PLAAT3: variants seen among roughly 807,000 people sequenced by gnomAD.
PLAAT3 encodes Ca-independent phospholipase A1/2.
Under a neutral mutation model 16.7 loss-of-function variants are expected in PLAAT3, and 21 were observed. The observed-to-expected ratio is 1.26, with a 90% CI of 0.89 to 1.81. PLAAT3 has a LOEUF of 1.81. Ranked by LOEUF, PLAAT3 falls within the 40% of genes most tolerant of loss-of-function variation. The pLI is 0.00. For synonymous variants in PLAAT3, 76 were observed against 81.7 expected, an observed-to-expected ratio of 0.93 and a Z score of 0.38; for missense variants, 219 against 213.7, an observed-to-expected ratio of 1.02 and a Z score of -0.16.
At chr11:63,602,285 CA>C (rs61260700) in intron 2 of PLAAT3, among the ~76,000 whole-genome samples, 136,279 of 139,532 alleles carry the variant, frequency 0.98, 66,535 homozygotes, top group South Asian at 0.99. Flanking sequence ...GAAACTGTCT[CA>C]AAAAAAAAAA....
rs778381424 is a variant in PLAAT3 at position 63,590,358 on chromosome 11, T to C, written c.129A>G (p.Ala43=). ...VVHLAPPSEV[A]GAGAASVMSA... is the part of the protein sequence containing the mutation. ...ACATGACACTGGCTGCACCAGCTCC[T>C]GCGACCTCACCTGCAGATCCACAAA... Residue 43 remains alanine (A), a synonymous_variant, in exon 4 of 5, where the codon GCA becomes GCG. Transcript: ENST00000415826. The C allele has an allele frequency of 3.7e-6, 6 of 1,614,006 alleles. No homozygotes were observed. Among genetic ancestry groups the C allele is most frequent in the South Asian group, 1.1e-5 (1 of 91,070 alleles).
chr11:63,589,799 G>A (rs562781207), intron 4 of PLAAT3, among the ~76,000 whole-genome samples: 2 of 152,276 alleles, frequency 1.3e-5, no homozygotes, highest in East Asian at 3.9e-4. Flanking sequence ...TGCCTTTAGG[G>A]CTGGGGAGGG....
chr11:63,609,550 T>C (rs1408626162), intron 2 of PLAAT3, among the ~76,000 whole-genome samples: 1 of 152,238 alleles, frequency 6.6e-6, no homozygotes, highest in Admixed American at 6.5e-5. Context: ...AAAGCACTTA[T>C]GCCTACGAGA....
At chr11:63,589,049 C>G (rs1938062498) in intron 4 of PLAAT3, among the ~76,000 whole-genome samples, 1 of 143,988 alleles carries the variant, frequency 6.9e-6, no homozygotes, top group Non-Finnish European at 1.5e-5. Flanking sequence ...ACTATTTTTA[C>G]TACTACAATG....
chr11:63,614,001 A>G lies in PLAAT3; in HGVS notation c.14T>C (p.Ile5Thr), dbSNP rs754701637. MRAPIPEPKPGDLIE... is the reference protein window; with the variant it reads MRAPTPEPKPGDLIE... ...AGCCCCGCCTCGCCCCGCACTTACA[A>G]TGGGCGCACGCATCTTCCCTCGCGG... Residue 5 changes from isoleucine to threonine, a missense_variant and splice_region_variant, in exon 2 of 5, where the codon ATT becomes ACT. Ile to Thr is a moderately conservative substitution (Grantham distance 89). Coordinates refer to ENST00000415826, the MANE Select transcript of PLAAT3 (RefSeq NM_001128203.2). The G allele has an allele frequency of 8.1e-6, 13 of 1,603,014 alleles. No homozygotes were observed. Among genetic ancestry groups the G allele is most frequent in the South Asian group, 5.5e-5 (5 of 90,806 alleles).
chr11:63,578,701 C>T (rs369544786), intron 4 of PLAAT3, among the ~76,000 whole-genome samples: 2 of 151,636 alleles, frequency 1.3e-5, no homozygotes, highest in South Asian at 2.1e-4. Flanking sequence ...CCCTTCCTTA[C>T]ACCTTATACA....
intron 2 of PLAAT3, among the ~76,000 whole-genome samples, chr11:63,602,543 C>T (rs75508049): frequency 0.025 from 3,733 of 150,720 alleles, 171 homozygotes; most frequent in African/African-American, 0.086. Flanking sequence ...ATTTGGACCT[C>T]TGCCTGCAAG....
At chr11:63,609,349 T>G (rs1938638048) in intron 2 of PLAAT3, among the ~76,000 whole-genome samples, 2 of 152,226 alleles carry the variant, frequency 1.3e-5, no homozygotes, top group Non-Finnish European at 2.9e-5. Flanking sequence ...GTCTCTATTT[T>G]CTGAGGCTGC....
chr11:63,588,466 G>A (rs1468800903), intron 4 of PLAAT3, among the ~76,000 whole-genome samples: 1 of 88,466 alleles, frequency 1.1e-5, no homozygotes, highest in African/African-American at 5.5e-5. Context: ...ACCATCCCCT[G>A]GTCTCCTGCT....
At chr11:63,587,964 A>G (rs1358322511) in intron 4 of PLAAT3, among the ~76,000 whole-genome samples, 1 of 152,190 alleles carries the variant, frequency 6.6e-6, no homozygotes. Context: ...CTGTAATCCT[A>G]GCACTTTGGG....
intron 3 of PLAAT3, among the ~76,000 whole-genome samples, chr11:63,594,815 T>C (rs1041776279): frequency 6.6e-6 from 1 of 150,622 alleles, no homozygotes; most frequent in Non-Finnish European, 1.5e-5. Flanking sequence ...AATGATCCAG[T>C]TGAAAGGGAG....
chr11:63,616,010 T>C (rs1938864708), upstream of PLAAT3, among the ~76,000 whole-genome samples: 1 of 152,192 alleles, frequency 6.6e-6, no homozygotes, highest in African/African-American at 2.4e-5. Context: ...GTATTTGTCA[T>C]GTACAACATG....
In PLAAT3 at chr11:63,594,993, A is replaced by C. The variant is rs74607807; in HGVS notation, c.118+3068T>G. The stretch of plus-strand genomic sequence containing the variant: ...ACTAGTTAGAATTAAAACGATATGC[A>C]AAAGACATGTTCAAGGGCCGTGCGC... On this transcript the variant is annotated intron_variant, in intron 3 of 4. Coordinates refer to ENST00000415826, the MANE Select transcript of PLAAT3 (RefSeq NM_001128203.2). Among the ~76,000 whole-genome samples the C allele has an allele frequency of 9.1e-4, 138 of 152,152 alleles. 1 individual carries two copies. The East Asian group carries it at 0.017, about 19-fold the overall frequency.
upstream of PLAAT3, among the ~76,000 whole-genome samples, chr11:63,614,786 C>A (rs959076769): frequency 2.0e-5 from 3 of 151,478 alleles, no homozygotes; most frequent in Non-Finnish European, 4.4e-5. Flanking sequence ...GAGGCCGAGG[C>A]GGGCAGATCA....
At chr11:63,610,748 G>A (rs1045361807) in intron 2 of PLAAT3, among the ~76,000 whole-genome samples, 2 of 152,182 alleles carry the variant, frequency 1.3e-5, no homozygotes, top group African/African-American at 4.8e-5. Flanking sequence ...ATATTATGGA[G>A]CCTCAGTTTC....
At chr11:63,599,358 T>A (rs751106501) in intron 2 of PLAAT3, among the ~76,000 whole-genome samples, 1 of 152,020 alleles carries the variant, frequency 6.6e-6, no homozygotes, top group Non-Finnish European at 1.5e-5. Flanking sequence ...TTCCCACATC[T>A]CGCCAGCAAG....
At chr11:63,589,004 G>A (rs1253324390) in intron 4 of PLAAT3, among the ~76,000 whole-genome samples, 3 of 147,238 alleles carry the variant, frequency 2.0e-5, no homozygotes, top group African/African-American at 5.0e-5. Flanking sequence ...AAAAAGAGGA[G>A]GATAATTTAA....
chr11:63,576,825 A>G (rs564883733), intron 4 of PLAAT3, among the ~76,000 whole-genome samples: 8 of 152,340 alleles, frequency 5.3e-5, no homozygotes, highest in South Asian at 4.1e-4. Flanking sequence ...GACAGTGAGT[A>G]TATTAAGTGT....
intron 4 of PLAAT3, among the ~76,000 whole-genome samples, chr11:63,584,746 G>A (rs1457075780): frequency 2.0e-5 from 3 of 151,904 alleles, no homozygotes; most frequent in Non-Finnish European, 4.4e-5. Flanking sequence ...TCCTGACCTC[G>A]TGATCCACCT....
Sources: gnomAD v4.1 joint callset for allele counts (sites outside exome capture counted in the v4.1 genomes callset) on GRCh38, gnomAD v4.1.1 for gene constraint, MANE v1.5 for transcripts, NCBI Gene and HGNC (gene_info 2026-07-23, HGNC 2026-07-21) for gene names.